Variants in TDRD3 observed in about 807,000 individuals in gnomAD.
TDRD3 encodes tudor domain-containing protein 3.
TDRD3 carries 45 observed loss-of-function variants against 86.7 expected under a neutral mutation model. The observed-to-expected ratio is 0.52, with a 90% CI of 0.41 to 0.67. The LOEUF is 0.67. Ranked by LOEUF, TDRD3 falls within the 30% of genes least tolerant of loss-of-function variation. The pLI, the probability that TDRD3 is intolerant of heterozygous loss-of-function variation, is 0.00. For synonymous variants in TDRD3, 298 were observed against 301.7 expected (o/e 0.99, Z 0.13); for missense variants, 814 against 889.0 (o/e 0.92, Z 1.07).
At position 60,518,739 on chromosome 13, in the gene TDRD3, A is replaced by T. The variant is rs143715582; in HGVS notation, c.1141+7984A>T. The stretch of plus-strand genomic sequence containing the variant: ...TATACATGGATGCTTTCTTAGACTA[A>T]TAATGTATCCAGCACTAAGCTACAA... On this transcript the variant is annotated intron_variant, in intron 10 of 13. Transcript: ENST00000377881. Among the ~76,000 whole-genome samples the T allele has an allele frequency of 5.1e-3, 771 of 152,308 alleles. 1 individual carries two copies. The highest frequency in any genetic ancestry group is 8.5e-3 in the Non-Finnish European group (580 of 68,022).
chr13:60,526,886 G>A (rs1359246412), intron 10 of TDRD3, among the ~76,000 whole-genome samples: 3 of 151,822 alleles, frequency 2.0e-5, no homozygotes, highest in African/African-American at 7.3e-5. Flanking sequence ...CCAGGCTGGA[G>A]AGCAGTGGCA....
intron 3 of TDRD3, among the ~76,000 whole-genome samples, chr13:60,449,931 T>C (rs1316246861): frequency 1.3e-5 from 2 of 152,056 alleles, no homozygotes; most frequent in Non-Finnish European, 2.9e-5. Flanking sequence ...CCTCTTGATC[T>C]TTTTTGGCAC....
chr13:60,460,593 C>A, intron 4 of TDRD3, 53 bp downstream of exon 4: 1 of 1,453,704 alleles, frequency 6.9e-7, no homozygotes, highest in South Asian at 1.5e-5. Flanking sequence ...AGGTGCTATT[C>A]AATTGGAATA....
chr13:60,538,604 A>G (rs1957746586), intron 12 of TDRD3, among the ~76,000 whole-genome samples: 1 of 152,166 alleles, frequency 6.6e-6, no homozygotes, highest in Non-Finnish European at 1.5e-5. Context: ...TAGTAAAATT[A>G]TATATGGAAA....
intron 12 of TDRD3, among the ~76,000 whole-genome samples, chr13:60,566,082 G>T (rs1958452701): frequency 6.6e-6 from 1 of 152,024 alleles, no homozygotes; most frequent in Admixed American, 6.5e-5. Flanking sequence ...AGGCCCCTCA[G>T]GATGATCATT....
At chr13:60,507,282 G>A (rs1956959451) in intron 8 of TDRD3, among the ~76,000 whole-genome samples, 1 of 151,866 alleles carries the variant, frequency 6.6e-6, no homozygotes, top group Non-Finnish European at 1.5e-5. Flanking sequence ...TCAATATGAG[G>A]TCATCGAGAC....
At chr13:60,515,761 A>G (rs1957154293) in intron 10 of TDRD3, among the ~76,000 whole-genome samples, 1 of 152,212 alleles carries the variant, frequency 6.6e-6, no homozygotes, top group Non-Finnish European at 1.5e-5. Context: ...TCATTTTAAG[A>G]TAGCATGTAT....
At chr13:60,469,675 C>T (rs1231346157) in intron 5 of TDRD3, among the ~76,000 whole-genome samples, 2 of 152,266 alleles carry the variant, frequency 1.3e-5, no homozygotes, top group East Asian at 3.9e-4. Flanking sequence ...AGTGCAGTTA[C>T]TTGAGCAGCT....
intron 1 of TDRD3, among the ~76,000 whole-genome samples, chr13:60,426,595 T>C (rs1954816167): frequency 6.6e-6 from 1 of 152,154 alleles, no homozygotes; most frequent in East Asian, 1.9e-4. Flanking sequence ...TAAAAACCTA[T>C]ATGAAATGGG....
chr13:60,443,066 C>T (rs904093947), intron 2 of TDRD3, among the ~76,000 whole-genome samples: 1 of 151,798 alleles, frequency 6.6e-6, no homozygotes, highest in Non-Finnish European at 1.5e-5. Context: ...TTTTCATGAA[C>T]TGTTAGTTAC....
chr13:60,485,826 A>G lies in TDRD3; in HGVS notation c.595A>G (p.Ser199Gly), dbSNP rs770295855. The G allele has an allele frequency of 9.3e-6, 15 of 1,606,760 alleles. No individual in the cohort carries two copies. The highest frequency in any genetic ancestry group is 1.3e-5 in the Non-Finnish European group (15 of 1,176,940). Residue 199 changes from serine to glycine, a missense_variant, in exon 7 of 14, where the codon AGC becomes GGC. Coordinates refer to ENST00000377881, the MANE Select transcript of TDRD3 (RefSeq NM_001146070.2). ...QKCVSHVQVD[S>G]RELDRRKTLQ... ...GTGTGTATCTCATGTCCAAGTGGAT[A>G]GCAGAGAACTTGATCGAAGAAAAAC...
intron 10 of TDRD3, among the ~76,000 whole-genome samples, chr13:60,526,797 A>G (rs976792788): frequency 2.0e-5 from 3 of 151,872 alleles, no homozygotes; most frequent in Admixed American, 6.6e-5. Context: ...TCTAGCTTCC[A>G]TTGGTTCGGT....
At chr13:60,555,932 G>A (rs1369931242) in intron 12 of TDRD3, among the ~76,000 whole-genome samples, 1 of 147,822 alleles carries the variant, frequency 6.8e-6, no homozygotes, top group Admixed American at 6.9e-5. Context: ...CTCACTGCAA[G>A]CTCCACCTCC....
chr13:60,494,379 G>T (rs978213973), intron 7 of TDRD3, 56 bp from the exon 8 acceptor site: 22 of 1,451,672 alleles, frequency 1.5e-5, no homozygotes, highest in Middle Eastern at 1.9e-4. Context: ...TTAGTTTTTA[G>T]AACTATTTTT....
chr13:60,435,878 T>A (rs2065590985), intron 1 of TDRD3, among the ~76,000 whole-genome samples: 1 of 149,948 alleles, frequency 6.7e-6, no homozygotes, highest in Admixed American at 6.7e-5. Flanking sequence ...CAATTTACAT[T>A]TCTGCCAGCA....
At chr13:60,443,909 A>C (rs552295827) in intron 2 of TDRD3, among the ~76,000 whole-genome samples, 1 of 151,940 alleles carries the variant, frequency 6.6e-6, no homozygotes, top group East Asian at 1.9e-4. Context: ...GAGTACTGAC[A>C]GTTTTCCTGT....
intron 1 of TDRD3, among the ~76,000 whole-genome samples, chr13:60,419,424 T>C (rs1367390488): frequency 6.6e-6 from 1 of 152,140 alleles, no homozygotes; most frequent in African/African-American, 2.4e-5. Context: ...ATATGGAACA[T>C]ATACACCATG....
intron 10 of TDRD3, among the ~76,000 whole-genome samples, chr13:60,524,495 A>G (rs1957364205): frequency 6.9e-6 from 1 of 144,186 alleles, no homozygotes; most frequent in Non-Finnish European, 1.5e-5. Context: ...CCACAGAGTG[A>G]GGCTCCATCT....
chr13:60,562,858 A>G (rs1476060447), intron 12 of TDRD3, among the ~76,000 whole-genome samples: 2 of 151,662 alleles, frequency 1.3e-5, no homozygotes, highest in Non-Finnish European at 2.9e-5. Flanking sequence ...CCCATTTCCC[A>G]CCTCCACCAA....
Sources: allele counts gnomAD v4.1 joint callset (sites outside exome capture counted in the v4.1 genomes callset), GRCh38; gene constraint gnomAD v4.1.1; transcripts MANE v1.5; gene names NCBI Gene and HGNC (gene_info 2026-07-23, HGNC 2026-07-21).